Variants in NCOA2 observed in about 807,000 individuals in gnomAD.
NCOA2 encodes nuclear receptor coactivator 2.
NCOA2 carries 21 observed loss-of-function variants against 145.1 expected under a neutral mutation model. The observed-to-expected ratio is 0.14, with a 90% CI of 0.10 to 0.21. The LOEUF (loss-of-function observed/expected upper bound fraction) is 0.21, where lower values mean the gene tolerates loss of function less well. Ranked by LOEUF, NCOA2 falls within the 10% of genes least tolerant of loss-of-function variation. The pLI is 1.00. For synonymous variants in NCOA2, 619 were observed against 637.5 expected, an observed-to-expected ratio of 0.97 and a Z score of 0.44; for missense variants, 1,472 against 1,837.6, an observed-to-expected ratio of 0.80 and a Z score of 3.64.
At chr8:70,134,938 C>T (rs543244638) in intron 15 of NCOA2, among the ~76,000 whole-genome samples, 2 of 152,198 alleles carry the variant, frequency 1.3e-5, no homozygotes, top group Admixed American at 1.3e-4. Context: ...ATATGATGCT[C>T]TCAGGTTCCC....
intron 2 of NCOA2, among the ~76,000 whole-genome samples, chr8:70,254,837 A>G (rs1042569391): frequency 6.6e-6 from 1 of 152,200 alleles, no homozygotes; most frequent in African/African-American, 2.4e-5. Flanking sequence ...ACAGAACTAT[A>G]CATTTAAGAA....
At position 70,225,207 on chromosome 8, in the gene NCOA2, AAAAC is replaced by A. The variant is rs1476513051; in HGVS notation, c.-19-8447_-19-8444del. 4.6e-5 allele frequency among the ~76,000 whole-genome samples: 7 copies of A among 152,194 alleles called. No homozygotes were observed. The South Asian group carries it at 6.2e-4, about 13-fold the overall frequency. On this transcript the variant is annotated intron_variant, in intron 2 of 22. Coordinates refer to ENST00000452400, the MANE Select transcript of NCOA2 (RefSeq NM_006540.4). ...AAGTAGGGAGAGGGTGGGGAATAGT[AAAAC>A]AAACAAAATATTTACCACATCAGAT... is the stretch of plus-strand genomic sequence containing the variant.
intron 2 of NCOA2, among the ~76,000 whole-genome samples, chr8:70,219,692 G>A (rs924680646): frequency 4.6e-5 from 7 of 151,980 alleles, no homozygotes; most frequent in African/African-American, 1.5e-4. Context: ...GAGGGTGGAG[G>A]GGGGGCAGAC....
intron 2 of NCOA2, among the ~76,000 whole-genome samples, chr8:70,253,891 C>T (rs1289957599): frequency 6.6e-6 from 1 of 152,050 alleles, no homozygotes; most frequent in African/African-American, 2.4e-5. Flanking sequence ...AGAAAAATAA[C>T]TTGGATTTCA....
intron 1 of NCOA2, among the ~76,000 whole-genome samples, chr8:70,324,336 T>G (rs544053508): frequency 3.3e-5 from 5 of 152,176 alleles, no homozygotes; most frequent in Admixed American, 3.3e-4. Flanking sequence ...ATATCTTTGT[T>G]TTTTTTAGGT....
intron 4 of NCOA2, among the ~76,000 whole-genome samples, chr8:70,210,550 C>T (rs1002826621): frequency 6.6e-6 from 1 of 152,142 alleles, no homozygotes. Context: ...TCTCATAAAG[C>T]GCTACGTACA....
the NCOA2 span, among the ~76,000 whole-genome samples, chr8:70,430,512 T>C: frequency 2.0e-4 from 31 of 152,216 alleles, no homozygotes; most frequent in Non-Finnish European, 3.4e-4. Flanking sequence ...ATAGCCAACA[T>C]AGTCATCTCC....
chr8:70,298,688 T>C (rs1052720105), intron 1 of NCOA2, among the ~76,000 whole-genome samples: 1 of 152,242 alleles, frequency 6.6e-6, no homozygotes, highest in Non-Finnish European at 1.5e-5. Context: ...AAATGATTAC[T>C]GTTGGCTCTA....
intron 1 of NCOA2, among the ~76,000 whole-genome samples, chr8:70,303,123 A>G (rs1586426741): frequency 6.6e-6 from 1 of 152,334 alleles, no homozygotes; most frequent in East Asian, 1.9e-4. Context: ...TTGAATGTAC[A>G]AAGTTCAAAT....
At chr8:70,381,947 A>G (rs1268306284) in intron 1 of NCOA2, among the ~76,000 whole-genome samples, 2 of 152,130 alleles carry the variant, frequency 1.3e-5, no homozygotes, top group Non-Finnish European at 2.9e-5. Context: ...GACTACTTTT[A>G]AAGAATATGT....
At chr8:70,328,555 G>A (rs1013707942) in intron 1 of NCOA2, among the ~76,000 whole-genome samples, 2 of 151,994 alleles carry the variant, frequency 1.3e-5, no homozygotes, top group African/African-American at 2.4e-5. Context: ...CCTTGTTATA[G>A]AAGAACTCTA....
At chr8:70,431,273 C>G in the NCOA2 span, among the ~76,000 whole-genome samples, 1 of 151,812 alleles carries the variant, frequency 6.6e-6, no homozygotes, top group South Asian at 2.1e-4. Flanking sequence ...TTCTATTGAA[C>G]TTGGAGGGTT....
the NCOA2 span, among the ~76,000 whole-genome samples, chr8:70,436,529 G>A: frequency 6.6e-6 from 1 of 152,180 alleles, no homozygotes; most frequent in East Asian, 1.9e-4. Flanking sequence ...ACCCAGGTAT[G>A]TCATATCTCC....
the NCOA2 span, among the ~76,000 whole-genome samples, chr8:70,409,947 T>C: frequency 1.3e-5 from 2 of 152,144 alleles, no homozygotes; most frequent in African/African-American, 4.8e-5. Context: ...CAGTGGCTCA[T>C]GCCTGTAATC....
Position 70,343,182 on chromosome 8 carries a change from T to C in NCOA2, c.-76-46382A>G, listed in dbSNP as rs142836092. ...AAGTCAATAGTAGAACTGAAGTTTA[T>C]TCGAAGCCTTGGATCAAATATCCCT... On this transcript the variant is annotated intron_variant, in intron 1 of 22. Transcript: ENST00000452400. 5.9e-3 allele frequency among the ~76,000 whole-genome samples: 898 copies of C among 152,318 alleles called. 5 individuals carry two copies. The highest frequency in any genetic ancestry group is 0.02 in the African/African-American group (838 of 41,584).
At chr8:70,405,437 G>GTTTTTTTTTTTTTTTTT (rs34814735), upstream of NCOA2, among the ~76,000 whole-genome samples, 12 of 59,388 alleles carry the variant, frequency 2.0e-4, no homozygotes, top group African/African-American at 3.7e-4. Context: ...ATTTTTAAAG[G>GTTTTTTTTTTTTTTTTT]TTTTTTTTTT....
At chr8:70,353,943 G>C (rs1809462305) in intron 1 of NCOA2, among the ~76,000 whole-genome samples, 1 of 152,080 alleles carries the variant, frequency 6.6e-6, no homozygotes, top group Non-Finnish European at 1.5e-5. Context: ...TTGAAAATCA[G>C]TTCCATTTTT....
At chr8:70,243,271 C>A (rs1822313725) in intron 2 of NCOA2, among the ~76,000 whole-genome samples, 3 of 152,056 alleles carry the variant, frequency 2.0e-5, no homozygotes, top group Admixed American at 6.6e-5. Flanking sequence ...TGGATGCAGA[C>A]CAGTTAAAAC....
At chr8:70,424,384 A>G in the NCOA2 span, 1 of 386,038 alleles carries the variant, frequency 2.6e-6, no homozygotes, top group Non-Finnish European at 5.1e-6. Context: ...TGGCAATCAT[A>G]TGTTCCACCT....
Sources: allele counts gnomAD v4.1 joint callset (sites outside exome capture counted in the v4.1 genomes callset), GRCh38; gene constraint gnomAD v4.1.1; transcripts MANE v1.5; gene names NCBI Gene and HGNC (gene_info 2026-07-23, HGNC 2026-07-21).